GRAP2: variants seen among roughly 807,000 people sequenced by gnomAD.
GRAP2 encodes the protein GRB2-related adapter protein 2.
Under a neutral mutation model 43.5 loss-of-function variants are expected in GRAP2, and 31 were observed. The ratio of observed to expected loss-of-function variants is 0.71; its 90% CI spans 0.54 to 0.96. The LOEUF is 0.96. GRAP2 is among the 40% of genes least tolerant of loss of function. The pLI, the probability that GRAP2 is intolerant of heterozygous loss-of-function variation, is 0.00. For missense variants in GRAP2, 371 were observed against 424.4 expected (o/e 0.87, Z 1.11); for synonymous variants, 156 against 164.8 (o/e 0.95, Z 0.41).
At chr22:39,934,808 C>CTACA (rs1315820869) in intron 1 of GRAP2, among the ~76,000 whole-genome samples, 6 of 151,872 alleles carry the variant, frequency 4.0e-5, no homozygotes, top group Non-Finnish European at 5.9e-5. Flanking sequence ...GAGGTCAAGG[C>CTACA]TACAGTGACC....
upstream of GRAP2, among the ~76,000 whole-genome samples, chr22:39,900,367 A>T (rs542575648): frequency 6.6e-6 from 1 of 152,332 alleles, no homozygotes; most frequent in East Asian, 1.9e-4. Flanking sequence ...CCACTTAGCA[A>T]GTAGCAATGT....
chr22:39,954,011 G>T (rs1404551738), intron 2 of GRAP2, among the ~76,000 whole-genome samples: 2 of 152,174 alleles, frequency 1.3e-5, no homozygotes, highest in African/African-American at 4.8e-5. Context: ...CTACATTCCA[G>T]CCACCTGGAG....
At chr22:39,903,475 C>CTTTTT (rs773691306) in intron 1 of GRAP2, among the ~76,000 whole-genome samples, 9 of 112,054 alleles carry the variant, frequency 8.0e-5, no homozygotes, top group Non-Finnish European at 1.1e-4. Flanking sequence ...CCTCATGAGT[C>CTTTTT]TTTTTTTTTT....
At chr22:39,940,126 G>A (rs183165950) in intron 1 of GRAP2, among the ~76,000 whole-genome samples, 1 of 152,274 alleles carries the variant, frequency 6.6e-6, no homozygotes, top group East Asian at 1.9e-4. Context: ...AAGAATGTGA[G>A]AGTCTATTTT....
Position 39,922,645 on chromosome 22 carries a change from T to C in GRAP2, c.-15+21315T>C, listed in dbSNP as rs563820979. Among the ~76,000 whole-genome samples, 25 of 151,738 alleles carry C rather than the reference T, an allele frequency of 1.6e-4. 1 individual carries two copies. The South Asian group carries it at 5.2e-3, about 32-fold the overall frequency. On this transcript the variant is annotated intron_variant, in intron 1 of 7. Transcript: ENST00000344138. Reference sequence around the variant, plus strand: ...AGCAATGAGGAGGGGAGAATGGAGGTATTTGAGCCTAGAGTCAGGAAGGAG... The same window carrying C: ...AGCAATGAGGAGGGGAGAATGGAGGCATTTGAGCCTAGAGTCAGGAAGGAG...
Position 39,901,274 on chromosome 22 carries a change from T to G in GRAP2, c.-71T>G. 1 of 1,283,404 alleles carries G rather than the reference T, an allele frequency of 7.8e-7. No homozygotes were observed. The highest frequency in any genetic ancestry group is 1.2e-5 in the South Asian group (1 of 80,886). The allele number at this position is 1,283,404 out of a possible 1,614,324, so 79.5% of individuals were successfully genotyped here. A position where few individuals can be genotyped will look rare whatever the true frequency, so the allele number is the denominator to read the frequency against. On this transcript the variant is annotated 5_prime_UTR_variant, in exon 1 of 8. Transcript: ENST00000344138. ...TTGTCTCCCTTCTTGCCAGAAAGGA[T>G]TCTAATAACTCGGTGTCAAAGCCAA...
intron 4 of GRAP2, among the ~76,000 whole-genome samples, chr22:39,961,414 T>C (rs1003473964): frequency 2.6e-5 from 4 of 152,182 alleles, no homozygotes; most frequent in Admixed American, 2.6e-4. Context: ...GGTGTCGTTT[T>C]CTGAGCCCCA....
chr22:39,969,769 C>T (rs2067219148), intron 7 of GRAP2, among the ~76,000 whole-genome samples: 1 of 152,150 alleles, frequency 6.6e-6, no homozygotes, highest in Admixed American at 6.5e-5. Flanking sequence ...CAAAAATTAG[C>T]CAGGCATGGT....
intron 1 of GRAP2, among the ~76,000 whole-genome samples, chr22:39,923,487 A>G (rs992801948): frequency 3.3e-5 from 5 of 152,214 alleles, no homozygotes; most frequent in African/African-American, 1.2e-4. Context: ...AGCATAGTAT[A>G]TATCTACGGT....
At chr22:39,932,100 G>T (rs749057796) in intron 1 of GRAP2, among the ~76,000 whole-genome samples, 2 of 152,172 alleles carry the variant, frequency 1.3e-5, no homozygotes, top group Non-Finnish European at 2.9e-5. Flanking sequence ...AAGAAATCTT[G>T]TGGGACAGGC....
At chr22:39,940,214 A>T (rs1189512453) in intron 1 of GRAP2, among the ~76,000 whole-genome samples, 2 of 152,202 alleles carry the variant, frequency 1.3e-5, no homozygotes, top group Admixed American at 1.3e-4. Flanking sequence ...GTAGACATTC[A>T]GTAAGAAGGG....
intron 1 of GRAP2, among the ~76,000 whole-genome samples, chr22:39,905,929 C>T (rs2066519950): frequency 6.6e-6 from 1 of 152,234 alleles, no homozygotes; most frequent in African/African-American, 2.4e-5. Context: ...GCCACCCAAA[C>T]ACATTTAAGG....
intron 1 of GRAP2, 129 bp downstream of exon 1, chr22:39,901,459 A>G (rs1357770511): frequency 1.0e-5 from 4 of 389,174 alleles, no homozygotes; most frequent in Non-Finnish European, 1.5e-5. Flanking sequence ...TTTAAGTCCC[A>G]TCAGCTAAGG....
chr22:39,930,016 C>G (rs994888806), intron 1 of GRAP2, among the ~76,000 whole-genome samples: 3 of 152,084 alleles, frequency 2.0e-5, no homozygotes, highest in Non-Finnish European at 4.4e-5. Flanking sequence ...CACCAGATTT[C>G]AAAGACTTAG....
At chr22:39,941,673 C>T (rs1190341268) in intron 1 of GRAP2, among the ~76,000 whole-genome samples, 1 of 152,068 alleles carries the variant, frequency 6.6e-6, no homozygotes, top group Admixed American at 6.5e-5. Context: ...TTATGGGAAC[C>T]CTGCTATGCC....
At chr22:39,916,515 TA>T (rs2066603726) in intron 1 of GRAP2, among the ~76,000 whole-genome samples, 1 of 152,282 alleles carries the variant, frequency 6.6e-6, no homozygotes, top group Non-Finnish European at 1.5e-5. Context: ...TTTTATATTT[TA>T]AATTGAATGT....
Position 39,968,212 on chromosome 22 carries a change from G to A in GRAP2, c.630G>A (p.Ala210=), listed in dbSNP as rs762899450. The change falls in exon 6 of 8, where the codon GCG becomes GCA. Residue 210 remains alanine (A), a synonymous_variant. Coordinates refer to ENST00000344138, the MANE Select transcript of GRAP2 (RefSeq NM_004810.4). ...HQPQPPQYAP[A]PQQLQQPPQQ... ...CACAGCCTCCGCAATATGCCCCAGC[G>A]CCCCAGCAGCTGCAGCAGCCCCCAC... 1.2e-5 allele frequency: 20 copies of A among 1,603,988 alleles called. No individual in the cohort carries two copies. The highest frequency in any genetic ancestry group is 2.2e-5 in the East Asian group (1 of 44,792).
chr22:39,947,088 TC>T lies in GRAP2; in HGVS notation c.-14-3del. 1 of 1,540,440 alleles carries T rather than the reference TC, an allele frequency of 6.5e-7. No individual in the cohort carries two copies. Among genetic ancestry groups the T allele is most frequent in the Non-Finnish European group, 9.0e-7 (1 of 1,112,686 alleles). On this transcript the variant is annotated splice_region_variant and splice_polypyrimidine_tract_variant and intron_variant, in intron 1 of 7. Transcript: ENST00000344138. ...GGCACAATGACCACATTATTTCTCT[TC>T]CAGCTTCACGTTACAGCATGGAAGC... is the stretch of plus-strand genomic sequence containing the variant.
At chr22:39,935,123 CTG>C (rs1320751273) in intron 1 of GRAP2, among the ~76,000 whole-genome samples, 3 of 152,204 alleles carry the variant, frequency 2.0e-5, no homozygotes, top group Non-Finnish European at 4.4e-5. Flanking sequence ...GTCAAGGACT[CTG>C]GGGTTATTTC....
Sources: gnomAD v4.1 joint callset for allele counts (sites outside exome capture counted in the v4.1 genomes callset) on GRCh38, gnomAD v4.1.1 for gene constraint, MANE v1.5 for transcripts, NCBI Gene and HGNC (gene_info 2026-07-23, HGNC 2026-07-21) for gene names.